Variants in SLC30A9 observed in about 807,000 individuals in gnomAD.
The protein encoded by SLC30A9 is solute carrier family 30 member 9, also known as proton-coupled zinc antiporter SLC30A9, mitochondrial.
A neutral mutation model predicts 87.5 loss-of-function variants in SLC30A9; 58 were observed. The ratio of observed to expected loss-of-function variants is 0.66; its 90% CI spans 0.54 to 0.82. SLC30A9 has a LOEUF of 0.82. Ranked by LOEUF, SLC30A9 falls within the 40% of genes least tolerant of loss-of-function variation. The probability of loss-of-function intolerance (pLI) is 0.00; values close to 1 mark genes in which losing one functional copy is unlikely to be tolerated. For missense variants in SLC30A9, 557 were observed against 679.1 expected (o/e 0.82, Z 2.00); for synonymous variants, 234 against 233.0 (o/e 1.00, Z -0.04).
At chr4:41,992,557 A>G (rs1714498164) in intron 1 of SLC30A9, among the ~76,000 whole-genome samples, 3 of 152,190 alleles carry the variant, frequency 2.0e-5, no homozygotes, top group African/African-American at 7.2e-5. Flanking sequence ...TCTTCTGTGT[A>G]GCTGTCATTA....
chr4:42,036,087 G>A (rs1180977679), intron 7 of SLC30A9, among the ~76,000 whole-genome samples: 1 of 152,084 alleles, frequency 6.6e-6, no homozygotes, highest in African/African-American at 2.4e-5. Flanking sequence ...CAAAATCAAT[G>A]GATACTCAAT....
Position 42,001,598 on chromosome 4 carries a change from A to G in SLC30A9, c.110-18A>G, listed in dbSNP as rs760267519. On this transcript the variant is annotated intron_variant, in intron 1 of 17. Transcript: ENST00000264451. ...AGGACTTGGTTTGAAATTAAAGTAT[A>G]TATATTTTTTCTTTTAGAGTGGCAG... The G allele has an allele frequency of 7.3e-6, 11 of 1,515,598 alleles. No homozygotes were observed. Among genetic ancestry groups the G allele is most frequent in the Middle Eastern group, 1.7e-4 (1 of 5,810 alleles). 93.9% of individuals were successfully genotyped at this position (1,515,598 alleles called of 1,614,324 possible). A position where few individuals can be genotyped will look rare whatever the true frequency, so the allele number is the denominator to read the frequency against.
At chr4:42,028,351 T>A (rs773758565) in intron 6 of SLC30A9, among the ~76,000 whole-genome samples, 3 of 152,164 alleles carry the variant, frequency 2.0e-5, no homozygotes, top group Non-Finnish European at 4.4e-5. Context: ...CATCTCCTGA[T>A]CTTGTGATCC....
In SLC30A9 at chr4:42,078,249, C is replaced by T; in HGVS notation, c.1586C>T (p.Thr529Ile). Reference sequence around the variant, plus strand: ...GTGAAAACTCCTGAAGAACTAGAGACCTTTATGCTTAAACATGGAGAAAAT... The same window carrying T: ...GTGAAAACTCCTGAAGAACTAGAGATCTTTATGCTTAAACATGGAGAAAAT... ...QEVKTPEELE[T>I]FMLKHGENII... Residue 529 changes from threonine (T) to isoleucine (I), a missense_variant, in exon 17 of 18, where the codon ACC becomes ATC. Around this residue, in one of 2 missense-constraint regions of SLC30A9, gnomAD observed 90 missense variants for 149.4 expected, o/e 0.60. Transcript: ENST00000264451. 1 of 1,577,974 alleles carries T rather than the reference C, an allele frequency of 6.3e-7. No homozygotes were observed.
chr4:42,070,946 G>C (rs1032261827), intron 15 of SLC30A9, among the ~76,000 whole-genome samples: 1 of 152,102 alleles, frequency 6.6e-6, no homozygotes, highest in African/African-American at 2.4e-5. Flanking sequence ...AATGAGAATG[G>C]AAGTTTGCAA....
chr4:42,048,268 A>G (rs1403899799), intron 8 of SLC30A9, among the ~76,000 whole-genome samples: 2 of 152,164 alleles, frequency 1.3e-5, no homozygotes, highest in Non-Finnish European at 2.9e-5. Context: ...AGAAGAAAAT[A>G]GTGTCAGATG....
chr4:41,998,008 G>A (rs553981775), intron 1 of SLC30A9, among the ~76,000 whole-genome samples: 8 of 152,362 alleles, frequency 5.3e-5, no homozygotes, highest in East Asian at 1.9e-4. Context: ...CGGAAGCAAC[G>A]TATACAGTAG....
chr4:42,028,673 C>T (rs901934557), intron 6 of SLC30A9, among the ~76,000 whole-genome samples: 1 of 152,098 alleles, frequency 6.6e-6, no homozygotes, highest in Non-Finnish European at 1.5e-5. Context: ...GCTGTTGAAC[C>T]AATAGTATCA....
At position 42,070,559 on chromosome 4, in the gene SLC30A9, G is replaced by C. The variant is rs745707499; in HGVS notation, c.1286G>C (p.Gly429Ala). The change falls in exon 15 of 18, where the codon GGT becomes GCT. Residue 429 changes from glycine (G) to alanine (A), a missense_variant. Physicochemically the swap from Gly to Ala is moderately conservative, Grantham distance 60. Coordinates refer to ENST00000264451, the MANE Select transcript of SLC30A9 (RefSeq NM_006345.4). Reference protein sequence around the residue: ...NPLYDSLGSLGVGTLLGMVSA... With the variant: ...NPLYDSLGSLAVGTLLGMVSA... Reference sequence around the variant, plus strand: ...CTGTATGACAGCCTAGGTTCTTTGGGTGTGGGCACCTTATTAGGCATGGTC... The same window carrying C: ...CTGTATGACAGCCTAGGTTCTTTGGCTGTGGGCACCTTATTAGGCATGGTC... The C allele has an allele frequency of 9.9e-6, 16 of 1,613,626 alleles. No homozygotes were observed. Among genetic ancestry groups the C allele is most frequent in the Non-Finnish European group, 1.4e-5 (16 of 1,179,768 alleles).
intron 6 of SLC30A9, among the ~76,000 whole-genome samples, chr4:42,028,124 T>C (rs1716267113): frequency 6.6e-6 from 1 of 152,174 alleles, no homozygotes; most frequent in South Asian, 2.1e-4. Context: ...TTATTTTATT[T>C]TATTTTATTT....
chr4:42,056,051 G>A (rs1188798741), intron 9 of SLC30A9, among the ~76,000 whole-genome samples: 1 of 152,174 alleles, frequency 6.6e-6, no homozygotes, highest in Non-Finnish European at 1.5e-5. Context: ...TCTTACCTCT[G>A]AGGAGAGCTG....
In SLC30A9 at chr4:42,035,179, G is replaced by A. The variant is rs117139405; in HGVS notation, c.611-96G>A. On this transcript the variant is annotated intron_variant, in intron 6 of 17. Coordinates refer to ENST00000264451, the MANE Select transcript of SLC30A9 (RefSeq NM_006345.4). ...AATATTTTTGCTGTTAGCTAGTAGC[G>A]CATATTTAACATAGTCCTGAAGAGA... 1.4e-3 allele frequency: 1,660 copies of A among 1,214,072 alleles called. 18 individuals are homozygous for A. In the East Asian group the frequency reaches 0.034, roughly 25 times the overall value. 75.2% of individuals were successfully genotyped at this position (1,214,072 alleles called of 1,614,324 possible).
At chr4:42,054,521 C>T (rs1288360785) in intron 9 of SLC30A9, among the ~76,000 whole-genome samples, 1 of 145,450 alleles carries the variant, frequency 6.9e-6, no homozygotes. Context: ...GACAGAGTCT[C>T]GCTCTGTCAC....
chr4:42,069,224 A>G (rs933834123), intron 14 of SLC30A9, among the ~76,000 whole-genome samples: 15 of 152,236 alleles, frequency 9.9e-5, no homozygotes, highest in African/African-American at 3.6e-4. Flanking sequence ...TTTCTTTTAC[A>G]TAATAATAGA....
chr4:42,006,873 T>C (rs1380792648), intron 2 of SLC30A9, among the ~76,000 whole-genome samples: 1 of 152,116 alleles, frequency 6.6e-6, no homozygotes, highest in Non-Finnish European at 1.5e-5. Context: ...CTCACTATGT[T>C]TCAGCCAAAG....
Position 42,070,516 on chromosome 4 carries a change from C to A in SLC30A9, c.1253-10C>A. 6.3e-7 allele frequency: 1 copy of A among 1,598,696 alleles called. No individual in the cohort carries two copies. The highest frequency in any genetic ancestry group is 8.5e-7 in the Non-Finnish European group (1 of 1,171,204). On this transcript the variant is annotated splice_polypyrimidine_tract_variant and intron_variant, in intron 14 of 17. Transcript: ENST00000264451. ...GTTAATTTACTGATTTTTTTATGTGCTTCATTTAGGCAATCCACTGTATGA... is the reference window on the plus strand; with the variant it reads ...GTTAATTTACTGATTTTTTTATGTGATTCATTTAGGCAATCCACTGTATGA...
chr4:42,031,563 G>A (rs1716437874), intron 6 of SLC30A9, among the ~76,000 whole-genome samples: 1 of 152,124 alleles, frequency 6.6e-6, no homozygotes, highest in South Asian at 2.1e-4. Context: ...TCAGCATTTG[G>A]CAGTACCTAT....
At chr4:42,048,761 A>C (rs1467365766) in intron 8 of SLC30A9, among the ~76,000 whole-genome samples, 1 of 151,938 alleles carries the variant, frequency 6.6e-6, no homozygotes, top group East Asian at 1.9e-4. Context: ...AAAACACATA[A>C]TTTTCTTTTA....
intron 12 of SLC30A9, 70 bp downstream of exon 12, chr4:42,065,419 G>A (rs545534074): frequency 1.0e-5 from 9 of 868,608 alleles, no homozygotes; most frequent in African/African-American, 1.0e-4. Flanking sequence ...CATTATTATA[G>A]TTTGCTAAGT....
Sources: allele counts gnomAD v4.1 joint callset (sites outside exome capture counted in the v4.1 genomes callset), GRCh38; gene constraint gnomAD v4.1.1; regional missense constraint gnomAD v4.1.1; transcripts MANE v1.5; gene names NCBI Gene and HGNC (gene_info 2026-07-23, HGNC 2026-07-21).